CEP44: variants seen among roughly 807,000 people sequenced by gnomAD.
The protein encoded by CEP44 is centrosomal protein 44, also known as centrosomal protein of 44 kDa.
CEP44 carries 45 observed loss-of-function variants against 46.7 expected under a neutral mutation model. That is an observed-to-expected ratio of 0.96 (90% CI 0.76 to 1.24). The LOEUF (loss-of-function observed/expected upper bound fraction) is 1.24. CEP44 is among the 50% of genes most tolerant of loss of function. The pLI, the probability that CEP44 is intolerant of heterozygous loss-of-function variation, is 0.00. For synonymous variants in CEP44, 142 were observed against 146.0 expected, an observed-to-expected ratio of 0.97 and a Z score of 0.20; for missense variants, 475 against 459.7, an observed-to-expected ratio of 1.03 and a Z score of -0.30.
At chr4:174,295,040 C>T (rs1255852958) in intron 1 of CEP44, among the ~76,000 whole-genome samples, 7 of 142,478 alleles carry the variant, frequency 4.9e-5, no homozygotes, top group East Asian at 2.1e-4. Flanking sequence ...CTGACCCCCC[C>T]ACCTCCCTCC....
downstream of CEP44, chr4:174,320,385 AG>A: frequency 1.1e-6 from 1 of 902,344 alleles, no homozygotes; most frequent in African/African-American, 1.8e-5. Flanking sequence ...TACACTCTTC[AG>A]GAAGCATAAA....
At chr4:174,304,518 T>G in intron 6 of CEP44, 149 bp downstream of exon 6, 1 of 1,009,808 alleles carries the variant, frequency 9.9e-7, no homozygotes, top group South Asian at 1.8e-5. Flanking sequence ...CATATATTTT[T>G]GGGCAGTATG....
intron 5 of CEP44, 57 bp from the exon 6 acceptor site, chr4:174,304,190 T>C: frequency 1.3e-6 from 2 of 1,512,554 alleles, no homozygotes; most frequent in Admixed American, 4.7e-5. Context: ...GGAATTTTAA[T>C]ATATAATTAT....
chr4:174,291,166 CTTAA>C (rs896163051), intron 1 of CEP44, among the ~76,000 whole-genome samples: 12 of 152,054 alleles, frequency 7.9e-5, no homozygotes, highest in East Asian at 3.9e-4. Flanking sequence ...TAATTAAGTA[CTTAA>C]TTGTTTCCAT....
At chr4:174,316,010 A>G (rs1349016100) in intron 9 of CEP44, among the ~76,000 whole-genome samples, 156 bp from the exon 10 acceptor site, 2 of 152,162 alleles carry the variant, frequency 1.3e-5, no homozygotes, top group Non-Finnish European at 2.9e-5. Context: ...TCCATATGAA[A>G]GCTGTTACCT....
At chr4:174,332,514 A>G (rs912218579) in exon 9 of CEP44, 5 of 152,236 alleles carry the variant, frequency 3.3e-5, no homozygotes, top group Non-Finnish European at 7.3e-5. Flanking sequence ...AATTGACAAC[A>G]TATAATTGTT....
rs113877410 is a variant in CEP44 at position 174,318,846 on chromosome 4, A to G, written c.*1463A>G. 0.54 allele frequency: 282,345 copies of G among 522,332 alleles called. 77,872 individuals carry two copies. Among genetic ancestry groups the G allele is most frequent in the African/African-American group, 0.57 (27,140 of 47,580 alleles). 32.4% of individuals were successfully genotyped at this position (522,332 alleles called of 1,614,324 possible). A position where few individuals can be genotyped will look rare whatever the true frequency, so the allele number is the denominator to read the frequency against. On this transcript the variant is annotated 3_prime_UTR_variant, in exon 12 of 12. Coordinates refer to ENST00000503780, the MANE Select transcript of CEP44 (RefSeq NM_001040157.3). ...TCTTTTTGAAACAGGGTCTCACTCT[A>G]TTGCCCAGGCTGGAGTGCACTGGCG...
intron 11 of CEP44, 95 bp downstream of exon 11, chr4:174,316,662 T>C: frequency 1.8e-6 from 2 of 1,141,768 alleles, no homozygotes; most frequent in Non-Finnish European, 2.5e-6. Flanking sequence ...GTTTCAAACC[T>C]TAAAGGTCTC....
intron 8 of CEP44, among the ~76,000 whole-genome samples, chr4:174,330,440 G>C (rs1361380797): frequency 6.6e-6 from 1 of 151,352 alleles, no homozygotes; most frequent in East Asian, 1.9e-4. Context: ...AGTGAGCCGA[G>C]GTCATACCAC....
At position 174,331,563 on chromosome 4, in the gene CEP44, C is replaced by G; in HGVS notation, c.1168C>G (p.Gln390Glu). Residue 390 changes from glutamine (Q) to glutamate (E), a missense_variant, in exon 9 of 9, where the codon CAG (glutamine) becomes GAG (glutamate). Gln to Glu is a conservative substitution (Grantham distance 29). Transcript: ENST00000426172. This position sits in a 1 kb window ranked among gnomAD's most constrained non-coding sequence, Gnocchi z 4.5. Reference sequence around the variant, plus strand: ...TGGGCATACTTCATACCTTTCATCACAGAGCTTTGCTTGGCCTCTCTCCTG... The same window carrying G: ...TGGGCATACTTCATACCTTTCATCAGAGAGCTTTGCTTGGCCTCTCTCCTG... 1.3e-6 allele frequency: 2 copies of G among 1,551,516 alleles called. No homozygotes were observed. The highest frequency in any genetic ancestry group is 1.7e-6 in the Non-Finnish European group (2 of 1,146,888).
At chr4:174,315,330 T>G (rs928007557) in intron 9 of CEP44, among the ~76,000 whole-genome samples, 1 of 152,080 alleles carries the variant, frequency 6.6e-6, no homozygotes, top group African/African-American at 2.4e-5. Context: ...CTTCTCTAAT[T>G]GATATTTTTG....
At chr4:174,305,406 A>T (rs1740271098) in intron 6 of CEP44, among the ~76,000 whole-genome samples, 1 of 152,232 alleles carries the variant, frequency 6.6e-6, no homozygotes, top group Non-Finnish European at 1.5e-5. Flanking sequence ...GTGAGCCGAG[A>T]TTGTACTACT....
Position 174,329,955 on chromosome 4 carries a change from A to G in CEP44, c.1087-1527A>G, listed in dbSNP as rs958811610. 2.6e-5 allele frequency among the ~76,000 whole-genome samples: 4 copies of G among 152,214 alleles called. No homozygotes were observed. The highest frequency in any genetic ancestry group is 5.9e-5 in the Non-Finnish European group (4 of 68,046). On this transcript the variant is annotated intron_variant, in intron 8 of 8. Transcript: ENST00000426172. This position sits in a 1 kb window ranked among gnomAD's most constrained non-coding sequence, Gnocchi z 4.0. ...AGTTTCAACTTTCATACTTCGTATT[A>G]AAATGATTGTATAAGAAAATACAAT...
chr4:174,323,457 A>G (rs1742455068), downstream of CEP44, among the ~76,000 whole-genome samples: 1 of 152,180 alleles, frequency 6.6e-6, no homozygotes, highest in South Asian at 2.1e-4. Context: ...CAAACCAGGC[A>G]CATTCTGCCC....
intron 1 of CEP44, among the ~76,000 whole-genome samples, chr4:174,294,174 T>G (rs1332188580): frequency 2.0e-5 from 3 of 151,206 alleles, no homozygotes; most frequent in Non-Finnish European, 3.0e-5. Context: ...GGTTTTCCTA[T>G]GCAGAGGACC....
Position 174,288,042 on chromosome 4 carries a change from G to A in CEP44, c.-148+4099G>A, listed in dbSNP as rs574289858. Among the ~76,000 whole-genome samples the A allele has an allele frequency of 8.9e-4, 135 of 152,230 alleles. No individual in the cohort carries two copies. The highest frequency in any genetic ancestry group is 2.3e-3 in the African/African-American group (97 of 41,546). ...AACACACTCAGAAGGAGAAAATTTG[G>A]GGTGCTTTATATACAAAGGGACTAT... is the stretch of plus-strand genomic sequence containing the variant. On this transcript the variant is annotated intron_variant, in intron 1 of 11. Coordinates refer to ENST00000503780, the MANE Select transcript of CEP44 (RefSeq NM_001040157.3). The surrounding 1 kb of genome is among the most constrained non-coding windows in gnomAD (Gnocchi z 4.6).
At chr4:174,313,802 C>G (rs1741370599) in intron 9 of CEP44, among the ~76,000 whole-genome samples, 1 of 152,096 alleles carries the variant, frequency 6.6e-6, no homozygotes. Context: ...GAAGGTAACA[C>G]TGACTACTTG....
Position 174,302,933 on chromosome 4 carries a change from G to A in CEP44, c.237+747G>A, listed in dbSNP as rs530603737. ...GTAGCTGGGACTACAGGCGTGCACC[G>A]TGACCACGCCTGGCTAATTTTTTGT... On this transcript the variant is annotated intron_variant, in intron 4 of 11. Coordinates refer to ENST00000503780, the MANE Select transcript of CEP44 (RefSeq NM_001040157.3). Among the ~76,000 whole-genome samples the A allele has an allele frequency of 1.1e-4, 17 of 151,832 alleles. No individual in the cohort carries two copies. The South Asian group carries it at 3.1e-3, about 28-fold the overall frequency.
chr4:174,300,406 C>T (rs2126578996), intron 3 of CEP44, among the ~76,000 whole-genome samples: 1 of 152,218 alleles, frequency 6.6e-6, no homozygotes, highest in East Asian at 1.9e-4. Flanking sequence ...CCATCCAGAA[C>T]TTGCAGGGGT....
Sources: allele counts gnomAD v4.1 joint callset (sites outside exome capture counted in the v4.1 genomes callset), GRCh38; gene constraint gnomAD v4.1.1; non-coding constraint Gnocchi (gnomAD v3.1); transcripts MANE v1.5; gene names NCBI Gene and HGNC (gene_info 2026-07-23, HGNC 2026-07-21).